ZMYND11: variants seen among roughly 807,000 people sequenced by gnomAD.
ZMYND11 encodes the protein zinc finger MYND domain-containing protein 11.
Under a neutral mutation model 84.9 loss-of-function variants are expected in ZMYND11, and 9 were observed. That is an observed-to-expected ratio of 0.11 (90% CI 0.06 to 0.18). The LOEUF (loss-of-function observed/expected upper bound fraction) is 0.18, where lower values mean the gene tolerates loss of function less well. Among genes scored for constraint, ZMYND11 ranks in the 10% least tolerant of loss-of-function variants. The pLI is 1.00. For missense variants in ZMYND11, 409 were observed against 761.0 expected (o/e 0.54, Z 5.44); for synonymous variants, 250 against 244.1 (o/e 1.02, Z -0.23).
chr10:221,989 T>A (rs1947212491), intron 4 of ZMYND11, among the ~76,000 whole-genome samples: 1 of 152,194 alleles, frequency 6.6e-6, no homozygotes, highest in South Asian at 2.1e-4. Flanking sequence ...GATTGTTAGT[T>A]GCAGAATGTG....
intron 1 of ZMYND11, among the ~76,000 whole-genome samples, chr10:140,100 GAC>G (rs145686950): frequency 2.0e-5 from 3 of 150,800 alleles, no homozygotes; most frequent in Admixed American, 6.6e-5. Context: ...TCCTATCCCA[GAC>G]ACACACACAC....
intron 1 of ZMYND11, among the ~76,000 whole-genome samples, chr10:163,510 G>A (rs1843353398): frequency 6.6e-6 from 1 of 151,722 alleles, no homozygotes; most frequent in Admixed American, 6.6e-5. Flanking sequence ...CCCTTTAACG[G>A]AATTTGTTAC....
chr10:144,746 T>C (rs1406521973), intron 1 of ZMYND11, among the ~76,000 whole-genome samples: 1 of 146,880 alleles, frequency 6.8e-6, no homozygotes, highest in Non-Finnish European at 1.5e-5. Flanking sequence ...ATATATAATA[T>C]ATATATGCAT....
intron 3 of ZMYND11, among the ~76,000 whole-genome samples, chr10:214,945 C>CA (rs1388588678): frequency 6.6e-6 from 1 of 152,182 alleles, no homozygotes; most frequent in Non-Finnish European, 1.5e-5. Flanking sequence ...ATAAGATACT[C>CA]ACTAAAGATG....
upstream of ZMYND11, among the ~76,000 whole-genome samples, chr10:132,906 G>A (rs1178929612): frequency 6.6e-6 from 1 of 152,124 alleles, no homozygotes; most frequent in Non-Finnish European, 1.5e-5. Flanking sequence ...AATGCAAAAA[G>A]GAGAATCAAG....
chr10:199,441 AT>A (rs1942614427), intron 2 of ZMYND11, among the ~76,000 whole-genome samples: 2 of 151,808 alleles, frequency 1.3e-5, no homozygotes, highest in African/African-American at 2.4e-5. Flanking sequence ...TTCTCATACC[AT>A]TGTTGTTTTT....
intron 1 of ZMYND11, among the ~76,000 whole-genome samples, chr10:139,103 G>A (rs989270167): frequency 2.8e-4 from 43 of 152,134 alleles, no homozygotes; most frequent in Non-Finnish European, 7.3e-5. Flanking sequence ...ACTGTGCCTG[G>A]CCTATCATTA....
chr10:247,081 T>A, intron 11 of ZMYND11, 108 bp downstream of exon 11: 1 of 1,176,264 alleles, frequency 8.5e-7, no homozygotes, highest in Non-Finnish European at 1.2e-6. Flanking sequence ...TCTCCTTCCC[T>A]TTTTTACATT....
At chr10:200,886 G>A (rs1387342362) in intron 2 of ZMYND11, among the ~76,000 whole-genome samples, 1 of 151,754 alleles carries the variant, frequency 6.6e-6, no homozygotes, top group Non-Finnish European at 1.5e-5. Flanking sequence ...CCATTTTATT[G>A]TTTTCTTTTA....
At chr10:141,393 A>G (rs556134700) in intron 1 of ZMYND11, among the ~76,000 whole-genome samples, 13 of 152,198 alleles carry the variant, frequency 8.5e-5, no homozygotes, top group Non-Finnish European at 1.8e-4. Flanking sequence ...AGCAAGCACA[A>G]TAAAATGTAA....
chr10:242,373 G>A (rs558544360), intron 10 of ZMYND11, among the ~76,000 whole-genome samples: 7 of 152,234 alleles, frequency 4.6e-5, no homozygotes, highest in Middle Eastern at 3.4e-3. Context: ...AGCACATTAC[G>A]GTTAAGACTG....
At chr10:135,265 G>C (rs1210043398), upstream of ZMYND11, 4 of 151,242 alleles carry the variant, frequency 2.6e-5, no homozygotes, top group African/African-American at 4.8e-5. This position sits in a 1 kb window ranked among gnomAD's most constrained non-coding sequence, Gnocchi z 5.6. Flanking sequence ...CGGCCGCCTA[G>C]CCTCCCTCGC....
chr10:226,513 G>C (rs1193720939), intron 4 of ZMYND11, among the ~76,000 whole-genome samples: 1 of 152,124 alleles, frequency 6.6e-6, no homozygotes, highest in Non-Finnish European at 1.5e-5. Flanking sequence ...TCATAACTTA[G>C]AGGAGTTGTA....
chr10:182,828 G>A (rs1413640856), intron 2 of ZMYND11, among the ~76,000 whole-genome samples: 1 of 152,020 alleles, frequency 6.6e-6, no homozygotes, highest in Non-Finnish European at 1.5e-5. Context: ...CAGATCTTTT[G>A]CTCTAAAGCC....
intron 1 of ZMYND11, among the ~76,000 whole-genome samples, chr10:137,074 A>G (rs1443652765): frequency 2.0e-5 from 3 of 152,226 alleles, no homozygotes; most frequent in Non-Finnish European, 2.9e-5. Context: ...GTCATATGCC[A>G]TGCATATATG....
chr10:203,708 G>A (rs1188599016), intron 2 of ZMYND11, among the ~76,000 whole-genome samples: 3 of 152,086 alleles, frequency 2.0e-5, no homozygotes, highest in African/African-American at 4.8e-5. Flanking sequence ...AGTAAAAATC[G>A]TCTAGCTAAT....
chr10:233,757 C>A (rs1807588432), intron 4 of ZMYND11, among the ~76,000 whole-genome samples: 2 of 152,156 alleles, frequency 1.3e-5, no homozygotes, highest in African/African-American at 4.8e-5. Flanking sequence ...TTTAAACAGA[C>A]AAAATCAGAC....
At chr10:157,239 G>A (rs1291735142) in intron 1 of ZMYND11, among the ~76,000 whole-genome samples, 2 of 152,024 alleles carry the variant, frequency 1.3e-5, no homozygotes, top group Non-Finnish European at 1.5e-5. Flanking sequence ...TCGCTCTGTC[G>A]CCCAGGCTGG....
Position 184,156 on chromosome 10 carries a change from T to C in ZMYND11, c.116+4028T>C, listed in dbSNP as rs145340152. On this transcript the variant is annotated intron_variant, in intron 2 of 14. Coordinates refer to ENST00000381604, the MANE Select transcript of ZMYND11 (RefSeq NM_001370100.5). The stretch of plus-strand genomic sequence containing the variant: ...CTACTTTCTGACATGGTGAGAATCA[T>C]GGTTCTCAGGGACATCATCTGTGAT... 2.8e-3 allele frequency among the ~76,000 whole-genome samples: 431 copies of C among 152,342 alleles called. 2 individuals carry two copies. Among genetic ancestry groups the C allele is most frequent in the African/African-American group, 9.9e-3 (413 of 41,586 alleles).
Sources: gnomAD v4.1 joint callset for allele counts (sites outside exome capture counted in the v4.1 genomes callset) on GRCh38, gnomAD v4.1.1 for gene constraint, Gnocchi (gnomAD v3.1) non-coding constraint, MANE v1.5 for transcripts, NCBI Gene and HGNC (gene_info 2026-07-23, HGNC 2026-07-21) for gene names.